GPN1: variants seen among roughly 807,000 people sequenced by gnomAD.
GPN1 encodes GPN-loop GTPase 1.
In GPN1, 44 loss-of-function variants were observed where a neutral mutation model predicts 55.9. The observed-to-expected ratio is 0.79, with a 90% CI of 0.62 to 1.01. The LOEUF is 1.01. GPN1 is among the 50% of genes least tolerant of loss of function. The pLI is 0.00. For missense variants in GPN1, 466 were observed against 462.8 expected (o/e 1.01, Z -0.06); for synonymous variants, 179 against 162.5 (o/e 1.10, Z -0.77).
chr2:27,629,082 T>C lies in GPN1; in HGVS notation c.24T>C (p.Ala8=). 6.2e-7 allele frequency: 1 copy of C among 1,614,214 alleles called. No homozygotes were observed. The highest frequency in any genetic ancestry group is 8.5e-7 in the Non-Finnish European group (1 of 1,180,020). The change falls in exon 1 of 14, where the codon GCT becomes GCC. Residue 8 remains alanine (A), a synonymous_variant. Coordinates refer to ENST00000610189, the MANE Select transcript of GPN1 (RefSeq NM_007266.4). Reference sequence around the variant, plus strand: ...AGATGGCGGCGTCCGCAGCTGCCGCTGAGCTCCAGGCTTCTGGGGGTCCGC... The same window carrying C: ...AGATGGCGGCGTCCGCAGCTGCCGCCGAGCTCCAGGCTTCTGGGGGTCCGC... MAASAAA[A]ELQASGGPRH... is the part of the protein sequence containing the mutation.
chr2:27,641,347 A>T, intron 11 of GPN1, 68 bp downstream of exon 11: 1 of 1,112,024 alleles, frequency 9.0e-7, no homozygotes, highest in Non-Finnish European at 1.4e-6. Flanking sequence ...TCTTGATGAC[A>T]TAAGTGCTTT....
chr2:27,642,866 G>A lies in GPN1; in HGVS notation c.931+347G>A, dbSNP rs2148076630. Among the ~76,000 whole-genome samples the A allele has an allele frequency of 1.3e-5, 2 of 151,180 alleles. 1 individual carries two copies. The highest frequency in any genetic ancestry group is 4.2e-4 in the South Asian group (2 of 4,778). ...AGGCATGAGCCACTGTGCCTGGCCG[G>A]TTACACTTATTTCTATCAGCAGGAT... On this transcript the variant is annotated intron_variant, in intron 12 of 13. Transcript: ENST00000610189.
Position 27,634,932 on chromosome 2 carries a change from T to C in GPN1, c.429+8T>C. The C allele has an allele frequency of 6.6e-7, 1 of 1,524,880 alleles. No individual in the cohort carries two copies. Among genetic ancestry groups the C allele is most frequent in the Non-Finnish European group, 9.1e-7 (1 of 1,098,440 alleles). The allele number at this position is 1,524,880 out of a possible 1,614,324, so 94.5% of individuals were successfully genotyped here. A position where few individuals can be genotyped will look rare whatever the true frequency, so the allele number is the denominator to read the frequency against. On this transcript the variant is annotated splice_region_variant and intron_variant, in intron 6 of 13. Transcript: ENST00000610189. The stretch of plus-strand genomic sequence containing the variant: ...ATTATCACTGAAGCCCTTGTGAGTA[T>C]TCTAGGACTTGCTACTGAGAGTAGC...
At chr2:27,635,931 G>A (rs1673716491) in intron 7 of GPN1, among the ~76,000 whole-genome samples, 3 of 152,036 alleles carry the variant, frequency 2.0e-5, no homozygotes, top group Non-Finnish European at 1.5e-5. Flanking sequence ...AAATGCACAG[G>A]TGGCCAGGCA....
upstream of GPN1, chr2:27,628,759 C>T (rs749474547): frequency 2.7e-5 from 42 of 1,543,248 alleles, no homozygotes; most frequent in Middle Eastern, 3.4e-4. Context: ...CCCTCGGGAC[C>T]CCATCTCTTC....
At chr2:27,629,746 C>A in intron 1 of GPN1, 113 bp from the exon 2 acceptor site, 1 of 684,272 alleles carries the variant, frequency 1.5e-6, no homozygotes, top group Non-Finnish European at 2.7e-6. Flanking sequence ...GTGGATATTT[C>A]AGGTAGAAGA....
intron 13 of GPN1, 88 bp from the exon 14 acceptor site, chr2:27,650,027 T>C (rs768477758): frequency 3.2e-5 from 24 of 759,024 alleles, no homozygotes; most frequent in Admixed American, 5.6e-5. Flanking sequence ...TTAGAAGTAA[T>C]GTACTGTTTT....
At chr2:27,632,362 A>G (rs184651655) in intron 4 of GPN1, among the ~76,000 whole-genome samples, 1 of 152,360 alleles carries the variant, frequency 6.6e-6, no homozygotes, top group East Asian at 1.9e-4. Flanking sequence ...ACATTTTGAC[A>G]AGAGATAACA....
At position 27,643,753 on chromosome 2, in the gene GPN1, T is replaced by G. The variant is rs1195736042; in HGVS notation, c.931+1234T>G. On this transcript the variant is annotated intron_variant, in intron 12 of 13. Transcript: ENST00000610189. The surrounding 1 kb of genome is among the most constrained non-coding windows in gnomAD (Gnocchi z 4.0). ...ATGTTTCCTCATGATTTGATTCAGG[T>G]GACTAATTTTTGAATTGTGTTTTTT... 6.6e-6 allele frequency among the ~76,000 whole-genome samples: 1 copy of G among 152,232 alleles called. No homozygotes were observed. Among genetic ancestry groups the G allele is most frequent in the Non-Finnish European group, 1.5e-5 (1 of 68,038 alleles).
intron 10 of GPN1, 123 bp downstream of exon 10, chr2:27,640,248 T>C (rs962799231): frequency 1.6e-5 from 12 of 748,184 alleles, no homozygotes; most frequent in African/African-American, 3.5e-5. Context: ...GGTTTGCATA[T>C]GTGTATTGAA....
intron 9 of GPN1, 32 bp downstream of exon 9, chr2:27,639,063 C>T: frequency 6.5e-7 from 1 of 1,545,936 alleles, no homozygotes; most frequent in Admixed American, 1.8e-5. Context: ...CACTGACAGC[C>T]TCTCCAGATA....
intron 10 of GPN1, 105 bp from the exon 11 acceptor site, chr2:27,641,135 A>G (rs936859426): frequency 1.4e-6 from 1 of 728,854 alleles, no homozygotes; most frequent in African/African-American, 1.8e-5. Flanking sequence ...ATGAAGTCAG[A>G]TGTTTTATTA....
chr2:27,645,699 CTTTT>C (rs1240435393), intron 12 of GPN1, among the ~76,000 whole-genome samples: 5 of 150,858 alleles, frequency 3.3e-5, no homozygotes, highest in Non-Finnish European at 7.4e-5. Context: ...TTGCCTGTTT[CTTTT>C]TAATTTTTTT....
upstream of GPN1, chr2:27,628,686 C>T: frequency 6.4e-7 from 1 of 1,551,698 alleles, no homozygotes; most frequent in South Asian, 1.2e-5. Flanking sequence ...TGGCTCCGCT[C>T]CCCGTTCTCT....
chr2:27,629,463 A>G, intron 1 of GPN1: 1 of 1,439,672 alleles, frequency 6.9e-7, no homozygotes, highest in African/African-American at 1.4e-5. Flanking sequence ...AGTAACTTTA[A>G]AGATTAATAC....
At chr2:27,639,761 T>G (rs961273913) in intron 9 of GPN1, among the ~76,000 whole-genome samples, 3 of 152,118 alleles carry the variant, frequency 2.0e-5, no homozygotes, top group Non-Finnish European at 4.4e-5. Context: ...TGGCCTCAAG[T>G]GCACCTCCTG....
In GPN1 at chr2:27,642,324, A is replaced by C; in HGVS notation, c.841-105A>C. On this transcript the variant is annotated intron_variant, in intron 11 of 13. Coordinates refer to ENST00000610189, the MANE Select transcript of GPN1 (RefSeq NM_007266.4). ...ACGTCCCTTATCTGCATCAGTTTTT[A>C]TGTAGCCTCTAGTATTTGTATAATT... The C allele has an allele frequency of 1.5e-5, 11 of 711,784 alleles. No individual in the cohort carries two copies. The South Asian group carries it at 1.8e-4, about 11-fold the overall frequency. The allele number at this position is 711,784 out of a possible 1,614,324, so 44.1% of individuals were successfully genotyped here. A position where few individuals can be genotyped will look rare whatever the true frequency, so the allele number is the denominator to read the frequency against.
chr2:27,628,627 T>G (rs1360765870), upstream of GPN1: 66 of 1,551,320 alleles, frequency 4.3e-5, no homozygotes, highest in Non-Finnish European at 5.7e-5. Flanking sequence ...AGCCCTGAAC[T>G]GTTTAACCGC....
Position 27,650,308 on chromosome 2 carries a change from C to A in GPN1, c.*108C>A. 1 of 607,780 alleles carries A rather than the reference C, an allele frequency of 1.6e-6. No individual in the cohort carries two copies. Among genetic ancestry groups the A allele is most frequent in the Non-Finnish European group, 2.9e-6 (1 of 342,008 alleles). 37.6% of individuals were successfully genotyped at this position (607,780 alleles called of 1,614,324 possible). ...GGGGGCTCCCATAAGGGATAATTTT[C>A]CTCAGAGTAGCAAAGTTTCTCTTAT... On this transcript the variant is annotated 3_prime_UTR_variant, in exon 14 of 14. Coordinates refer to ENST00000610189, the MANE Select transcript of GPN1 (RefSeq NM_007266.4).
Sources: allele counts gnomAD v4.1 joint callset (sites outside exome capture counted in the v4.1 genomes callset), GRCh38; gene constraint gnomAD v4.1.1; non-coding constraint Gnocchi (gnomAD v3.1); transcripts MANE v1.5; gene names NCBI Gene and HGNC (gene_info 2026-07-23, HGNC 2026-07-21).